Variants in EPHA6 observed in about 807,000 individuals in gnomAD.
EPHA6 encodes the protein ephrin type-A receptor 6.
EPHA6 carries 50 observed loss-of-function variants against 112.0 expected under a neutral mutation model. The observed-to-expected ratio is 0.45, with a 90% confidence interval of 0.36 to 0.56. The LOEUF is 0.56. Among genes scored for constraint, EPHA6 ranks in the 20% least tolerant of loss-of-function variants. EPHA6 has a pLI of 0.00. For missense variants in EPHA6, 1,280 were observed against 1,417.4 expected (o/e 0.90, Z 1.56); for synonymous variants, 529 against 490.7 (o/e 1.08, Z -1.03).
intron 1 of EPHA6, among the ~76,000 whole-genome samples, chr3:96,846,894 C>A (rs2035105295): frequency 6.6e-6 from 1 of 152,028 alleles, no homozygotes; most frequent in Non-Finnish European, 1.5e-5. Flanking sequence ...CATGTCCAGA[C>A]TGCTGCTGGA....
At chr3:96,952,204 G>A (rs1236891725) in intron 2 of EPHA6, among the ~76,000 whole-genome samples, 1 of 152,144 alleles carries the variant, frequency 6.6e-6, no homozygotes, top group East Asian at 1.9e-4. Flanking sequence ...TAAATAGCTT[G>A]ATAAGCACTG....
intron 3 of EPHA6, among the ~76,000 whole-genome samples, chr3:97,178,171 C>G (rs1042291908): frequency 6.6e-6 from 1 of 151,844 alleles, no homozygotes; most frequent in Admixed American, 6.6e-5. Flanking sequence ...ACTATTGTAA[C>G]CTTATAACAA....
chr3:97,528,475 C>T (rs76045647), intron 10 of EPHA6, among the ~76,000 whole-genome samples: 1 of 151,942 alleles, frequency 6.6e-6, no homozygotes, highest in Non-Finnish European at 1.5e-5. Context: ...AGGGAGACAA[C>T]CTGTGGGAGA....
chr3:97,646,034 C>T (rs550829979), intron 14 of EPHA6: 8 of 1,009,318 alleles, frequency 7.9e-6, no homozygotes, highest in Non-Finnish European at 1.1e-5. Flanking sequence ...ATCTTTAGAA[C>T]AGTATGCTAC....
At chr3:97,232,854 A>G (rs2078567845) in intron 4 of EPHA6, among the ~76,000 whole-genome samples, 1 of 152,126 alleles carries the variant, frequency 6.6e-6, no homozygotes, top group Non-Finnish European at 1.5e-5. Context: ...CTTCATGCAC[A>G]GTGGCCTGCT....
At chr3:97,429,134 G>C (rs2089344464) in intron 6 of EPHA6, among the ~76,000 whole-genome samples, 1 of 152,062 alleles carries the variant, frequency 6.6e-6, no homozygotes, top group African/African-American at 2.4e-5. Flanking sequence ...CTTGGTAATA[G>C]TGTTCCAAGG....
chr3:97,613,075 A>T (rs1368691384), intron 13 of EPHA6, among the ~76,000 whole-genome samples: 1 of 152,040 alleles, frequency 6.6e-6, no homozygotes, highest in African/African-American at 2.4e-5. Flanking sequence ...CAAAAAAAAA[A>T]TCAAATGAAT....
At chr3:97,720,170 G>C in intron 14 of EPHA6, 91 bp from the exon 15 acceptor site, 4 of 1,159,206 alleles carry the variant, frequency 3.5e-6, no homozygotes, top group Non-Finnish European at 4.6e-6. Flanking sequence ...GAAGTATTTA[G>C]ATCTTTCTAA....
chr3:97,425,361 C>G (rs868324229), intron 6 of EPHA6, among the ~76,000 whole-genome samples: 1 of 152,206 alleles, frequency 6.6e-6, no homozygotes, highest in African/African-American at 2.4e-5. Context: ...GAAATATAGG[C>G]GGAGGCTCCC....
rs1004400249 is a variant in EPHA6 at position 97,609,765 on chromosome 3, T to C, written c.2513-1028T>C. 4.6e-5 allele frequency among the ~76,000 whole-genome samples: 7 copies of C among 151,556 alleles called. No individual in the cohort carries two copies. In the East Asian group the frequency reaches 1.4e-3, roughly 29 times the overall value. On this transcript the variant is annotated intron_variant, in intron 12 of 17. Transcript: ENST00000389672. ...CAATATGTAATATTTCCATCATTGG[T>C]ACACATCAGTTCTTTCTAGATCTCC... is the stretch of plus-strand genomic sequence containing the variant.
intron 5 of EPHA6, among the ~76,000 whole-genome samples, chr3:97,262,730 T>A (rs548050248): frequency 2.0e-5 from 3 of 152,314 alleles, no homozygotes; most frequent in African/African-American, 7.2e-5. Flanking sequence ...TCCTTTTTTT[T>A]AAATATCATT....
At chr3:97,212,672 C>T (rs1325617856) in intron 3 of EPHA6, among the ~76,000 whole-genome samples, 1 of 152,052 alleles carries the variant, frequency 6.6e-6, no homozygotes, top group Admixed American at 6.6e-5. Flanking sequence ...AGTGTATGTG[C>T]TTTTTTTCAA....
At chr3:97,015,851 A>T (rs1410020042) in intron 3 of EPHA6, among the ~76,000 whole-genome samples, 1 of 152,188 alleles carries the variant, frequency 6.6e-6, no homozygotes, top group Non-Finnish European at 1.5e-5. Context: ...TTAGAAACAA[A>T]AACTTCACTA....
At chr3:97,300,300 A>G (rs2081041604) in intron 5 of EPHA6, among the ~76,000 whole-genome samples, 1 of 152,190 alleles carries the variant, frequency 6.6e-6, no homozygotes, top group African/African-American at 2.4e-5. Context: ...GTCTCAATTA[A>G]AAGCCACTGT....
At chr3:96,956,235 C>T (rs1293918248) in intron 2 of EPHA6, among the ~76,000 whole-genome samples, 1 of 152,114 alleles carries the variant, frequency 6.6e-6, no homozygotes, top group Non-Finnish European at 1.5e-5. Flanking sequence ...GAAAATTCTC[C>T]CTTCATATTC....
intron 3 of EPHA6, among the ~76,000 whole-genome samples, chr3:97,014,758 G>A (rs1364307501): frequency 6.6e-6 from 1 of 152,146 alleles, no homozygotes; most frequent in South Asian, 2.1e-4. Flanking sequence ...AAGGGATGAT[G>A]ATCAAAGTAT....
At chr3:97,201,580 AAAT>A (rs143661443) in intron 3 of EPHA6, among the ~76,000 whole-genome samples, 1,908 of 152,224 alleles carry the variant, frequency 0.013, 31 homozygotes, top group African/African-American at 0.044. Context: ...CATCTCTACA[AAAT>A]AATATTAATG....
At position 96,814,732 on chromosome 3, in the gene EPHA6, G is replaced by T; in HGVS notation, c.109G>T (p.Val37Phe). The stretch of plus-strand genomic sequence containing the variant: ...TGGGCAGCCTGGACCCTCGTGCCCT[G>T]TTCCCGGGACCTCGCGCAGGGGGCG... ...ATGQPGPSCP[V>F]PGTSRRGRPG... The change falls in exon 1 of 18, where the codon GTT (valine) becomes TTT (phenylalanine). Residue 37 changes from valine (V) to phenylalanine (F), a missense_variant. By Grantham distance (50) the Val-to-Phe change is conservative. This residue lies in a region of EPHA6 where 220 missense variants were observed against 171.5 expected (regional missense o/e 1.28). Coordinates refer to ENST00000389672, the MANE Select transcript of EPHA6 (RefSeq NM_001080448.3). 1 of 1,583,080 alleles carries T rather than the reference G, an allele frequency of 6.3e-7. No homozygotes were observed. The highest frequency in any genetic ancestry group is 8.6e-7 in the Non-Finnish European group (1 of 1,164,032).
At chr3:97,351,752 CTT>C (rs2083824571) in intron 5 of EPHA6, among the ~76,000 whole-genome samples, 1 of 151,932 alleles carries the variant, frequency 6.6e-6, no homozygotes, top group East Asian at 1.9e-4. Context: ...AGAATGTTAA[CTT>C]ATATGTCATA....
Sources: allele counts gnomAD v4.1 joint callset (sites outside exome capture counted in the v4.1 genomes callset), GRCh38; gene constraint gnomAD v4.1.1; regional missense constraint gnomAD v4.1.1; transcripts MANE v1.5; gene names NCBI Gene and HGNC (gene_info 2026-07-23, HGNC 2026-07-21).